Variants in TACR1 observed in about 807,000 individuals in gnomAD.
TACR1 encodes tachykinin receptor 1, also known as substance-P receptor.
Under a neutral mutation model 35.8 loss-of-function variants are expected in TACR1, and 25 were observed. That is an observed-to-expected ratio of 0.70 (90% CI 0.51 to 0.98). The LOEUF (loss-of-function observed/expected upper bound fraction) is 0.98, where lower values mean the gene tolerates loss of function less well. TACR1 is among the 50% of genes least tolerant of loss of function. The probability of loss-of-function intolerance (pLI) is 0.00; values close to 1 mark genes in which losing one functional copy is unlikely to be tolerated. For missense variants in TACR1, 478 were observed against 522.9 expected, an observed-to-expected ratio of 0.91 and a Z score of 0.84; for synonymous variants, 195 against 206.7, an observed-to-expected ratio of 0.94 and a Z score of 0.48.
chr2:75,074,736 G>A (rs898085019), intron 2 of TACR1, among the ~76,000 whole-genome samples: 11 of 151,934 alleles, frequency 7.2e-5, no homozygotes, highest in African/African-American at 2.7e-4. Flanking sequence ...TCTATAGGCT[G>A]CCTTCTGCCA....
At chr2:75,146,989 G>A (rs1283233374) in intron 1 of TACR1, among the ~76,000 whole-genome samples, 1 of 152,200 alleles carries the variant, frequency 6.6e-6, no homozygotes, top group Non-Finnish European at 1.5e-5. Flanking sequence ...ACAATCTGCT[G>A]TGTGCATTTA....
At chr2:75,174,832 A>G (rs1336494294) in intron 1 of TACR1, among the ~76,000 whole-genome samples, 1 of 152,154 alleles carries the variant, frequency 6.6e-6, no homozygotes, top group Non-Finnish European at 1.5e-5. Context: ...CTCCCTAGGA[A>G]ACTAGATAGC....
At chr2:75,120,474 G>T in intron 2 of TACR1, 100 bp downstream of exon 2, 1 of 1,158,630 alleles carries the variant, frequency 8.6e-7, no homozygotes, top group Non-Finnish European at 1.2e-6. Context: ...CATTAAATCT[G>T]TACCAACAAA....
At chr2:75,127,627 G>T (rs1674098247) in intron 1 of TACR1, among the ~76,000 whole-genome samples, 1 of 152,200 alleles carries the variant, frequency 6.6e-6, no homozygotes, top group Admixed American at 6.6e-5. Flanking sequence ...GGATGCAGTT[G>T]ACTGTTGTTT....
At chr2:75,089,150 C>T (rs962432687) in intron 2 of TACR1, among the ~76,000 whole-genome samples, 2 of 152,228 alleles carry the variant, frequency 1.3e-5, no homozygotes, top group African/African-American at 4.8e-5. Context: ...AATTAGTCCA[C>T]TGGTAGAGAA....
At chr2:75,182,141 C>T (rs758752153) in intron 1 of TACR1, among the ~76,000 whole-genome samples, 12 of 152,188 alleles carry the variant, frequency 7.9e-5, no homozygotes, top group Non-Finnish European at 1.2e-4. Flanking sequence ...CCAGGCCTCT[C>T]GCCTGTGTTT....
At chr2:75,123,556 T>C (rs1487458951) in intron 1 of TACR1, among the ~76,000 whole-genome samples, 1 of 152,180 alleles carries the variant, frequency 6.6e-6, no homozygotes, top group East Asian at 1.9e-4. Context: ...CTACCGTTCT[T>C]TAGTGTAGGA....
At chr2:75,176,591 C>T (rs947071841) in intron 1 of TACR1, among the ~76,000 whole-genome samples, 6 of 152,048 alleles carry the variant, frequency 3.9e-5, no homozygotes, top group Non-Finnish European at 7.4e-5. Context: ...TGGGGGAGGC[C>T]GCTAGCCATC....
At chr2:75,152,731 T>A (rs1266093323) in intron 1 of TACR1, among the ~76,000 whole-genome samples, 5 of 152,148 alleles carry the variant, frequency 3.3e-5, no homozygotes, top group African/African-American at 1.2e-4. Flanking sequence ...ACTAAACAGG[T>A]GTATAGATCA....
intron 2 of TACR1, among the ~76,000 whole-genome samples, chr2:75,100,097 A>G (rs1673506689): frequency 6.6e-6 from 1 of 152,002 alleles, no homozygotes; most frequent in Non-Finnish European, 1.5e-5. Context: ...CCCCACACAC[A>G]TCACACACTC....
intron 2 of TACR1, among the ~76,000 whole-genome samples, chr2:75,120,302 A>G (rs1037735611): frequency 6.6e-6 from 1 of 152,116 alleles, no homozygotes; most frequent in Non-Finnish European, 1.5e-5. Context: ...TCTCTGGTAA[A>G]AGGCCCGAGG....
chr2:75,131,375 C>A (rs997947199), intron 1 of TACR1, among the ~76,000 whole-genome samples: 2 of 151,822 alleles, frequency 1.3e-5, no homozygotes, highest in African/African-American at 2.4e-5. Context: ...GGTGTGAGCC[C>A]CCGCACCCTG....
intron 1 of TACR1, among the ~76,000 whole-genome samples, chr2:75,160,844 A>G (rs1674990679): frequency 6.7e-6 from 1 of 148,820 alleles, no homozygotes; most frequent in Non-Finnish European, 1.5e-5. Flanking sequence ...TATACGTGAG[A>G]GAGGGGATAC....
intron 2 of TACR1, among the ~76,000 whole-genome samples, chr2:75,102,485 G>T (rs957300970): frequency 6.6e-6 from 1 of 151,844 alleles, no homozygotes; most frequent in Non-Finnish European, 1.5e-5. Flanking sequence ...ATATATCTTG[G>T]TCTGAACATT....
intron 2 of TACR1, among the ~76,000 whole-genome samples, chr2:75,120,003 G>C (rs1673934995): frequency 6.6e-6 from 1 of 152,160 alleles, no homozygotes; most frequent in South Asian, 2.1e-4. Context: ...ACAAACCACA[G>C]AGACACACTC....
chr2:75,123,755 T>C (rs1674018203), intron 1 of TACR1, among the ~76,000 whole-genome samples: 1 of 152,176 alleles, frequency 6.6e-6, no homozygotes, highest in Non-Finnish European at 1.5e-5. Context: ...TCCTCATTTC[T>C]GGGGCTCGTT....
chr2:75,100,759 C>A (rs531612333), intron 2 of TACR1, among the ~76,000 whole-genome samples: 1 of 152,198 alleles, frequency 6.6e-6, no homozygotes, highest in South Asian at 2.1e-4. Context: ...AATCACATTG[C>A]AGAGCCATAG....
Position 75,086,929 on chromosome 2 carries a change from A to G in TACR1, c.585-33174T>C, listed in dbSNP as rs1223698721. Among the ~76,000 whole-genome samples, 6 of 152,144 alleles carry G rather than the reference A, an allele frequency of 3.9e-5. No individual in the cohort carries two copies. The East Asian group carries it at 5.8e-4, about 15-fold the overall frequency. On this transcript the variant is annotated intron_variant, in intron 2 of 4. Transcript: ENST00000305249. ...CTTTCAATAAAATGTGAAATCTTCA[A>G]TCTGGTAAGAGAAATCATCACTGTT...
In TACR1 at chr2:75,179,794, G is replaced by A. The variant is rs146012373; in HGVS notation, c.389+18752C>T. Reference sequence around the variant, plus strand: ...CATGATGGAAACAACCTGCAACCAAGTAATATTTTCAGGGAGGTTCTCAGG... The same window carrying A: ...CATGATGGAAACAACCTGCAACCAAATAATATTTTCAGGGAGGTTCTCAGG... On this transcript the variant is annotated intron_variant, in intron 1 of 4. Transcript: ENST00000305249. Among the ~76,000 whole-genome samples the A allele has an allele frequency of 3.9e-5, 6 of 152,316 alleles. No homozygotes were observed. In the East Asian group the frequency reaches 1.2e-3, roughly 29 times the overall value.
Sources: gnomAD v4.1 joint callset for allele counts (sites outside exome capture counted in the v4.1 genomes callset) on GRCh38, gnomAD v4.1.1 for gene constraint, MANE v1.5 for transcripts, NCBI Gene and HGNC (gene_info 2026-07-23, HGNC 2026-07-21) for gene names.